The following VPS13B variants were observed in gnomAD, a reference collection of about 807,000 sequenced individuals.
The protein encoded by VPS13B is vacuolar protein sorting 13 homolog B.
VPS13B carries 285 observed loss-of-function variants against 426.4 expected under a neutral mutation model. The ratio of observed to expected loss-of-function variants is 0.67; its 90% confidence interval spans 0.61 to 0.74. The LOEUF is 0.74. Ranked by LOEUF, VPS13B falls within the 30% of genes least tolerant of loss-of-function variation. VPS13B has a pLI of 0.00. For synonymous variants in VPS13B, 1,676 were observed against 1,676.4 expected, an observed-to-expected ratio of 1.00 and a Z score of 0.01; for missense variants, 4,537 against 4,782.6, an observed-to-expected ratio of 0.95 and a Z score of 1.51.
intron 35 of VPS13B, among the ~76,000 whole-genome samples, chr8:99,665,836 T>C (rs1233761931): frequency 6.6e-6 from 1 of 152,154 alleles, no homozygotes; most frequent in Non-Finnish European, 1.5e-5. Context: ...TTTAAAGTAG[T>C]TTTTTCCAAT....
intron 34 of VPS13B, among the ~76,000 whole-genome samples, chr8:99,652,455 T>C (rs1470429169): frequency 6.6e-6 from 1 of 152,166 alleles, no homozygotes; most frequent in Non-Finnish European, 1.5e-5. Context: ...TAAGTGTTTT[T>C]TTAAAGTAGT....
chr8:99,483,463 A>C (rs1164837816), intron 25 of VPS13B, among the ~76,000 whole-genome samples: 1 of 152,214 alleles, frequency 6.6e-6, no homozygotes, highest in Non-Finnish European at 1.5e-5. Context: ...TTTATTGAAT[A>C]CAGCAGTTTC....
intron 17 of VPS13B, chr8:99,233,240 T>C: frequency 8.2e-7 from 1 of 1,226,620 alleles, no homozygotes; most frequent in South Asian, 1.2e-5. Context: ...CTAGTTAAGT[T>C]ATGCAGTTCA....
At chr8:99,585,608 T>C (rs921116695) in intron 33 of VPS13B, among the ~76,000 whole-genome samples, 2 of 152,020 alleles carry the variant, frequency 1.3e-5, no homozygotes, top group Non-Finnish European at 2.9e-5. Flanking sequence ...GTGAAAAAAA[T>C]TTTTAGACAA....
rs139582799 is a variant in VPS13B, at chr8:99,202,183, A to G, written c.2515+9126A>G. Among the ~76,000 whole-genome samples, 41 of 152,358 alleles carry G rather than the reference A, an allele frequency of 2.7e-4. No homozygotes were observed. The East Asian group carries it at 7.5e-3, about 28-fold the overall frequency. On this transcript the variant is annotated intron_variant, in intron 17 of 61. Transcript: ENST00000357162. ...TTGCAAGGATGATAGAGTGAAGGTAAATTCAAAGAGTAAGCCAAGAAAGAA... is the reference window on the plus strand; with the variant it reads ...TTGCAAGGATGATAGAGTGAAGGTAGATTCAAAGAGTAAGCCAAGAAAGAA...
At chr8:99,672,299 C>A (rs536252022) in intron 35 of VPS13B, among the ~76,000 whole-genome samples, 2 of 151,916 alleles carry the variant, frequency 1.3e-5, no homozygotes, top group Non-Finnish European at 2.9e-5. Context: ...CATTGATCAC[C>A]GTTTTATAGT....
chr8:99,675,442 A>C (rs567609978), intron 35 of VPS13B, among the ~76,000 whole-genome samples: 2 of 152,216 alleles, frequency 1.3e-5, no homozygotes, highest in Non-Finnish European at 2.9e-5. Flanking sequence ...ATTTGGATTG[A>C]ATCTGATTGA....
At chr8:99,471,133 C>A (rs1170215350) in intron 24 of VPS13B, among the ~76,000 whole-genome samples, 2 of 151,932 alleles carry the variant, frequency 1.3e-5, no homozygotes, top group Non-Finnish European at 2.9e-5. Context: ...CTGCTCTATT[C>A]TACAAGAAAT....
intron 19 of VPS13B, among the ~76,000 whole-genome samples, chr8:99,349,633 T>C (rs1385314875): frequency 6.6e-6 from 1 of 152,214 alleles, no homozygotes; most frequent in Non-Finnish European, 1.5e-5. Context: ...CTTGTATTTT[T>C]ATTTGCTAAA....
chr8:99,435,328 C>G (rs1190594521), intron 22 of VPS13B, among the ~76,000 whole-genome samples: 1 of 152,088 alleles, frequency 6.6e-6, no homozygotes, highest in African/African-American at 2.4e-5. Flanking sequence ...TCCCTCTTAT[C>G]TAATGATTGA....
At chr8:99,140,610 T>A (rs1810360789) in intron 12 of VPS13B, among the ~76,000 whole-genome samples, 1 of 148,574 alleles carries the variant, frequency 6.7e-6, no homozygotes, top group Non-Finnish European at 1.5e-5. Flanking sequence ...CCTCCCCTTC[T>A]CTTCTCCTCC....
chr8:99,032,765 C>A (rs1409182890), intron 2 of VPS13B, among the ~76,000 whole-genome samples: 2 of 151,280 alleles, frequency 1.3e-5, no homozygotes, highest in African/African-American at 4.9e-5. Context: ...TGGTCTCGAT[C>A]TCCTGACCTC....
intron 19 of VPS13B, among the ~76,000 whole-genome samples, chr8:99,376,976 CAT>C (rs1258986277): frequency 4.0e-5 from 6 of 151,846 alleles, no homozygotes; most frequent in African/African-American, 1.2e-4. Context: ...AAATAGGTAA[CAT>C]ATATGTAAGT....
Position 99,501,711 on chromosome 8 carries a change from G to A in VPS13B, c.3895G>A (p.Glu1299Lys). The change falls in exon 26 of 62, where the codon GAA becomes AAA. Residue 1299 changes from glutamate (E) to lysine (K), a missense_variant. Around this residue, in one of 2 missense-constraint regions of VPS13B, gnomAD observed 4,311 missense variants for 4,474.3 expected, o/e 0.96. Coordinates refer to ENST00000357162, the MANE Select transcript of VPS13B (RefSeq NM_152564.5). ...TEGDSIQAGE[E>K]SPFSDSVTLE... ...GGGAGATTCTATACAAGCAGGTGAGGAATCACCATTCTCAGATTCTGTGAC... is the reference window on the plus strand; with the variant it reads ...GGGAGATTCTATACAAGCAGGTGAGAAATCACCATTCTCAGATTCTGTGAC... 1.9e-6 allele frequency: 3 copies of A among 1,613,942 alleles called. No homozygotes were observed. Among genetic ancestry groups the A allele is most frequent in the Non-Finnish European group, 2.5e-6 (3 of 1,179,994 alleles).
intron 21 of VPS13B, among the ~76,000 whole-genome samples, chr8:99,397,627 G>C (rs35194538): frequency 2.0e-5 from 3 of 152,056 alleles, no homozygotes; most frequent in Admixed American, 6.5e-5. Flanking sequence ...GTTTAAGCAC[G>C]CACCCTAAAG....
At chr8:99,452,127 T>C (rs1818228058) in intron 23 of VPS13B, among the ~76,000 whole-genome samples, 1 of 152,236 alleles carries the variant, frequency 6.6e-6, no homozygotes, top group African/African-American at 2.4e-5. Context: ...TCTGCTACAC[T>C]CCCTGCTGCT....
intron 23 of VPS13B, among the ~76,000 whole-genome samples, chr8:99,461,484 T>C (rs1818829398): frequency 6.6e-6 from 1 of 152,220 alleles, no homozygotes; most frequent in African/African-American, 2.4e-5. Context: ...TTAATGATCT[T>C]GCAAGCTTTT....
chr8:99,819,706 T>G, intron 48 of VPS13B, 124 bp downstream of exon 48: 2 of 1,250,240 alleles, frequency 1.6e-6, no homozygotes, highest in Non-Finnish European at 2.2e-6. Context: ...CCTTTTATCA[T>G]CTAGTAGGTG....
chr8:99,500,576 A>T (rs188222915), intron 25 of VPS13B, among the ~76,000 whole-genome samples: 10 of 152,264 alleles, frequency 6.6e-5, no homozygotes, highest in South Asian at 2.1e-4. Flanking sequence ...GACTTCGTTA[A>T]CCCAGTACAC....
Sources: gnomAD v4.1 joint callset for allele counts (sites outside exome capture counted in the v4.1 genomes callset) on GRCh38, gnomAD v4.1.1 for gene constraint, gnomAD v4.1.1 regional missense constraint, MANE v1.5 for transcripts, NCBI Gene and HGNC (gene_info 2026-07-23, HGNC 2026-07-21) for gene names.